Variants in FRMPD4 observed in about 807,000 individuals in gnomAD.
FRMPD4 encodes the protein FERM and PDZ domain-containing protein 4.
FRMPD4 carries 22 observed loss-of-function variants against 94.1 expected under a neutral mutation model. The ratio of observed to expected loss-of-function variants is 0.23; its 90% confidence interval spans 0.17 to 0.33. The LOEUF (loss-of-function observed/expected upper bound fraction) is 0.33. Among genes scored for constraint, FRMPD4 ranks in the 10% least tolerant of loss-of-function variants. The pLI is 1.00. For missense variants in FRMPD4, 1,111 were observed against 1,339.9 expected (o/e 0.83, Z 2.67); for synonymous variants, 631 against 548.6 (o/e 1.15, Z -2.10).
chrX:12,216,234 A>G (rs1243314230), intron 1 of FRMPD4, among the ~76,000 whole-genome samples: 4 of 111,470 alleles, frequency 3.6e-5, no homozygotes, highest in Non-Finnish European at 7.5e-5. Flanking sequence ...CAGCCAGCTC[A>G]GGACTGGAGC....
intron 3 of FRMPD4, among the ~76,000 whole-genome samples, chrX:12,026,766 A>G (rs914217016): frequency 2.7e-5 from 3 of 112,676 alleles, no homozygotes; most frequent in Non-Finnish European, 5.6e-5. Flanking sequence ...ATAATTATCA[A>G]GATTGCATTA....
upstream of FRMPD4, among the ~76,000 whole-genome samples, chrX:12,133,590 G>A (rs1429325488): frequency 9.0e-6 from 1 of 111,403 alleles, no homozygotes; most frequent in Admixed American, 9.5e-5. Context: ...ACGCCTGACC[G>A]AACTAGGGTA....
At chrX:12,328,319 G>T (rs946193030) in intron 1 of FRMPD4, among the ~76,000 whole-genome samples, 17 of 112,015 alleles carry the variant, frequency 1.5e-4, no homozygotes, top group African/African-American at 5.5e-4. Flanking sequence ...TGTTGTCTTT[G>T]TCTTGGAATA....
At chrX:12,562,905 C>T (rs1374972124) in intron 2 of FRMPD4, among the ~76,000 whole-genome samples, 4 of 112,364 alleles carry the variant, frequency 3.6e-5, no homozygotes, top group Non-Finnish European at 7.5e-5. Flanking sequence ...CTGCCTCAGC[C>T]TCCCAAAGTG....
chrX:11,915,035 T>A (rs1439581155), intron 3 of FRMPD4, among the ~76,000 whole-genome samples: 1 of 112,310 alleles, frequency 8.9e-6, no homozygotes, highest in African/African-American at 3.2e-5. Flanking sequence ...AAGAGCTTTC[T>A]AGCAATGCAA....
intron 1 of FRMPD4, among the ~76,000 whole-genome samples, chrX:12,213,337 T>G (rs1321346963): frequency 8.9e-6 from 1 of 112,499 alleles, no homozygotes; most frequent in African/African-American, 3.2e-5. Flanking sequence ...AAGCCATAAC[T>G]TTAGGTGACA....
intron 1 of FRMPD4, among the ~76,000 whole-genome samples, chrX:12,404,082 T>A (rs1601904595): frequency 1.8e-5 from 2 of 112,387 alleles, no homozygotes; most frequent in Non-Finnish European, 3.8e-5. Context: ...CAATCTAGAT[T>A]TAACAGTCAT....
intron 1 of FRMPD4, among the ~76,000 whole-genome samples, chrX:12,478,884 A>G (rs965093563): frequency 1.8e-5 from 2 of 111,887 alleles, no homozygotes; most frequent in Non-Finnish European, 3.8e-5. Context: ...CTGAAAAGTC[A>G]TAAGACTTAG....
chrX:12,065,089 C>T (rs2054910879), intron 3 of FRMPD4, among the ~76,000 whole-genome samples: 2 of 112,437 alleles, frequency 1.8e-5, no homozygotes, highest in African/African-American at 3.2e-5. Context: ...AAGATTCCTA[C>T]TTGCAAATCC....
chrX:11,838,123 C>A (rs1052156513), intron 1 of FRMPD4, among the ~76,000 whole-genome samples: 1 of 111,253 alleles, frequency 9.0e-6, no homozygotes, highest in African/African-American at 3.3e-5. Flanking sequence ...GTGTTCTTTT[C>A]TAATAAAGTT....
chrX:12,617,100 C>T (rs898464428), intron 4 of FRMPD4, among the ~76,000 whole-genome samples: 2 of 111,847 alleles, frequency 1.8e-5, no homozygotes, highest in African/African-American at 3.3e-5. Flanking sequence ...GTAAAAAAAG[C>T]GCTCTCTATA....
chrX:12,633,147 G>T (rs1175364921), intron 4 of FRMPD4, among the ~76,000 whole-genome samples: 1 of 112,006 alleles, frequency 8.9e-6, no homozygotes, highest in East Asian at 2.8e-4. Flanking sequence ...CTGAAGGTCA[G>T]TTGAGCAATA....
chrX:12,151,456 T>A (rs934551816), intron 1 of FRMPD4, among the ~76,000 whole-genome samples: 3 of 111,399 alleles, frequency 2.7e-5, no homozygotes, highest in Non-Finnish European at 3.8e-5. Context: ...AAACTTGAAT[T>A]TCAAAAATGC....
rs1376947062 is a variant in FRMPD4, at chrX:12,701,948, A to G, written c.1008A>G (p.Leu336=). 1 of 1,209,599 alleles carries G rather than the reference A, an allele frequency of 8.3e-7. No individual in the cohort carries two copies. Residue 336 remains leucine (L), a synonymous_variant, in exon 10 of 17, where the codon TTA becomes TTG. Coordinates refer to ENST00000675598, the MANE Select transcript of FRMPD4 (RefSeq NM_001368397.1). ...ACATAGCCCTGCGGCTGGCCGCATT[A>G]CAAATGTACATTGCAACCGTTACCA... ...KYDIALRLAA[L]QMYIATVTTK...
intron 1 of FRMPD4, among the ~76,000 whole-genome samples, chrX:12,299,436 G>A (rs2054825137): frequency 9.1e-6 from 1 of 110,167 alleles, no homozygotes; most frequent in Non-Finnish European, 1.9e-5. Flanking sequence ...TGGGCCTTTC[G>A]AATACCCTAG....
chrX:12,110,908 A>T (rs1234757650), intron 3 of FRMPD4, among the ~76,000 whole-genome samples: 1 of 111,584 alleles, frequency 9.0e-6, no homozygotes, highest in South Asian at 3.8e-4. Context: ...CCACTGCTCA[A>T]TGAAATAAAA....
At chrX:12,712,276 C>T (rs771511658) in intron 14 of FRMPD4, among the ~76,000 whole-genome samples, 23 of 110,259 alleles carry the variant, frequency 2.1e-4, no homozygotes, top group Non-Finnish European at 9.5e-5. Context: ...AAGCCAGATG[C>T]AGTGGTTCAC....
intron 1 of FRMPD4, among the ~76,000 whole-genome samples, chrX:11,845,071 A>G (rs1359381500): frequency 8.9e-6 from 1 of 111,969 alleles, no homozygotes; most frequent in Non-Finnish European, 1.9e-5. Flanking sequence ...TCTTTATTGA[A>G]ACTCTTCATT....
At chrX:12,266,796 T>C (rs184327743) in intron 1 of FRMPD4, among the ~76,000 whole-genome samples, 1 of 112,154 alleles carries the variant, frequency 8.9e-6, no homozygotes, top group Non-Finnish European at 1.9e-5. Context: ...CCTCCTACGA[T>C]TGTATATTCA....
Sources: gnomAD v4.1 joint callset for allele counts (sites outside exome capture counted in the v4.1 genomes callset) on GRCh38, gnomAD v4.1.1 for gene constraint, MANE v1.5 for transcripts, NCBI Gene and HGNC (gene_info 2026-07-23, HGNC 2026-07-21) for gene names.